Variants in PCSK6 observed in about 807,000 individuals in gnomAD.
PCSK6 encodes proprotein convertase subtilisin/kexin type 6, also known as paired basic amino acid cleaving enzyme 4.
PCSK6 carries 85 observed loss-of-function variants against 123.3 expected under a neutral mutation model. The ratio of observed to expected loss-of-function variants is 0.69; its 90% CI spans 0.58 to 0.83. The LOEUF is 0.83. Ranked by LOEUF, PCSK6 falls within the 40% of genes least tolerant of loss-of-function variation. PCSK6 has a pLI of 0.00. For missense variants in PCSK6, 1,191 were observed against 1,282.3 expected (o/e 0.93, Z 1.09); for synonymous variants, 508 against 516.0 (o/e 0.98, Z 0.21).
intron 13 of PCSK6, among the ~76,000 whole-genome samples, chr15:101,348,903 C>T (rs370339240): frequency 2.6e-5 from 4 of 152,322 alleles, no homozygotes; most frequent in East Asian, 1.9e-4. Context: ...GGTCTCCTCC[C>T]GCCACCCTCC....
In PCSK6 at chr15:101,411,630, G is replaced by A. The variant is rs115421443; in HGVS notation, c.824-13054C>T. Among the ~76,000 whole-genome samples the A allele has an allele frequency of 3.0e-3, 451 of 152,238 alleles. 6 individuals carry two copies. Among genetic ancestry groups the A allele is most frequent in the African/African-American group, 0.01 (421 of 41,548 alleles). ...AACATGAACAAGAACAGAGGGACCCGACGAGACAGGGCCAATAGAACAAAT... is the reference window on the plus strand; with the variant it reads ...AACATGAACAAGAACAGAGGGACCCAACGAGACAGGGCCAATAGAACAAAT... On this transcript the variant is annotated intron_variant, in intron 6 of 21. Coordinates refer to ENST00000611716, the MANE Select transcript of PCSK6 (RefSeq NM_002570.5).
intron 13 of PCSK6, chr15:101,337,373 G>A (rs887601881): frequency 4.6e-5 from 7 of 152,062 alleles, no homozygotes; most frequent in African/African-American, 1.7e-4. Flanking sequence ...CCTGCCTTTG[G>A]AAGACGTAAA....
chr15:101,407,023 C>T (rs2042801346), intron 6 of PCSK6, among the ~76,000 whole-genome samples: 1 of 152,116 alleles, frequency 6.6e-6, no homozygotes, highest in Non-Finnish European at 1.5e-5. Flanking sequence ...ACAGCTGTGT[C>T]ACGGACACAG....
intron 6 of PCSK6, among the ~76,000 whole-genome samples, chr15:101,419,636 A>G (rs767279007): frequency 3.9e-5 from 6 of 152,076 alleles, no homozygotes; most frequent in Non-Finnish European, 7.4e-5. Flanking sequence ...AGGAACCATA[A>G]GAGAAAATTT....
At chr15:101,321,530 T>C (rs1387926810) in intron 18 of PCSK6, among the ~76,000 whole-genome samples, 1 of 152,260 alleles carries the variant, frequency 6.6e-6, no homozygotes, top group Non-Finnish European at 1.5e-5. Context: ...GAGGCAACAC[T>C]GGTGCAAGCC....
intron 6 of PCSK6, among the ~76,000 whole-genome samples, chr15:101,416,817 A>C (rs1415958109): frequency 1.3e-5 from 2 of 152,270 alleles, no homozygotes; most frequent in Non-Finnish European, 2.9e-5. Context: ...GCAGGTGCAC[A>C]GAAGTCAAGA....
intron 1 of PCSK6, among the ~76,000 whole-genome samples, chr15:101,454,422 C>G (rs1003636248): frequency 1.3e-5 from 2 of 152,038 alleles, no homozygotes; most frequent in East Asian, 3.9e-4. Flanking sequence ...CAGGGACACA[C>G]GATGGAATAT....
intron 1 of PCSK6, among the ~76,000 whole-genome samples, chr15:101,477,086 C>T (rs1018389547): frequency 2.6e-5 from 4 of 152,172 alleles, no homozygotes; most frequent in South Asian, 4.1e-4. Flanking sequence ...CTGACCTAAA[C>T]GTCAGGAAAG....
At chr15:101,340,285 G>A (rs2141386043) in intron 13 of PCSK6, among the ~76,000 whole-genome samples, 1 of 152,202 alleles carries the variant, frequency 6.6e-6, no homozygotes, top group South Asian at 2.1e-4. Flanking sequence ...GAGATACAAG[G>A]CTTCCCTGTG....
chr15:101,470,977 C>A (rs1205064499), intron 1 of PCSK6, among the ~76,000 whole-genome samples: 2 of 152,214 alleles, frequency 1.3e-5, no homozygotes, highest in African/African-American at 4.8e-5. Context: ...AGGCAAGCAA[C>A]CCAGCCTACC....
chr15:101,305,439 G>A lies in PCSK6; in HGVS notation c.2813-84C>T. 2 of 1,125,140 alleles carry A rather than the reference G, an allele frequency of 1.8e-6. No homozygotes were observed. Among genetic ancestry groups the A allele is most frequent in the Non-Finnish European group, 1.3e-6 (1 of 770,796 alleles). The allele number at this position is 1,125,140 out of a possible 1,614,324, so 69.7% of individuals were successfully genotyped here. On this transcript the variant is annotated intron_variant, in intron 21 of 21. Transcript: ENST00000611716. This position sits in a 1 kb window ranked among gnomAD's most constrained non-coding sequence, Gnocchi z 4.8. ...AGATTGTTTCAAGGCCGGGCGCGGT[G>A]CCTCATGCCTGTAATCCCAGCACTT...
chr15:101,355,328 G>C (rs1404101905), intron 13 of PCSK6, among the ~76,000 whole-genome samples: 1 of 152,232 alleles, frequency 6.6e-6, no homozygotes, highest in Non-Finnish European at 1.5e-5. Context: ...CAATTATAGA[G>C]AGAAGATTGG....
intron 1 of PCSK6, among the ~76,000 whole-genome samples, chr15:101,461,181 T>G (rs2057332767): frequency 6.6e-6 from 1 of 152,102 alleles, no homozygotes; most frequent in African/African-American, 2.4e-5. Context: ...GGAAAAAGGA[T>G]GTAACCGCAG....
In PCSK6 at chr15:101,471,116, T is replaced by C. The variant is rs190766255; in HGVS notation, c.297+18258A>G. On this transcript the variant is annotated intron_variant, in intron 1 of 21. Coordinates refer to ENST00000611716, the MANE Select transcript of PCSK6 (RefSeq NM_002570.5). Reference sequence around the variant, plus strand: ...TTCTCCCTGGGGCTGAAACTCTGCCTGGGGAAAGCCTAGCAAGTTAGTGGC... The same window carrying C: ...TTCTCCCTGGGGCTGAAACTCTGCCCGGGGAAAGCCTAGCAAGTTAGTGGC... 3.2e-4 allele frequency among the ~76,000 whole-genome samples: 49 copies of C among 152,250 alleles called. No individual in the cohort carries two copies. The East Asian group carries it at 9.4e-3, about 29-fold the overall frequency.
In PCSK6 at chr15:101,489,693, G is replaced by T; in HGVS notation, c.-23C>A. ...CATAGCGGCGACAGGCTCGCGCGGC[G>T]CCCGAGCTGCGAGTGCGCCGGGGGG... On this transcript the variant is annotated 5_prime_UTR_variant, in exon 1 of 22. Coordinates refer to ENST00000611716, the MANE Select transcript of PCSK6 (RefSeq NM_002570.5). 1.0e-6 allele frequency: 1 copy of T among 963,968 alleles called. No individual in the cohort carries two copies. The highest frequency in any genetic ancestry group is 1.2e-6 in the Non-Finnish European group (1 of 813,368). The allele number at this position is 963,968 out of a possible 1,614,324, so 59.7% of individuals were successfully genotyped here. A position where few individuals can be genotyped will look rare whatever the true frequency, so the allele number is the denominator to read the frequency against.
intron 17 of PCSK6, among the ~76,000 whole-genome samples, chr15:101,323,343 G>A (rs1430063862): frequency 6.6e-6 from 1 of 152,204 alleles, no homozygotes; most frequent in Non-Finnish European, 1.5e-5. Flanking sequence ...GGATGAAGGC[G>A]CCTCCGTCCT....
intron 13 of PCSK6, among the ~76,000 whole-genome samples, chr15:101,354,860 C>G (rs1203443421): frequency 1.3e-5 from 2 of 152,204 alleles, no homozygotes; most frequent in African/African-American, 4.8e-5. Context: ...GTCATGTCTT[C>G]ATTTGTAAAT....
At chr15:101,416,770 C>T (rs1381981506) in intron 6 of PCSK6, among the ~76,000 whole-genome samples, 1 of 152,222 alleles carries the variant, frequency 6.6e-6, no homozygotes, top group African/African-American at 2.4e-5. Flanking sequence ...GGGTGGGAGC[C>T]CCAAGCTTTG....
At chr15:101,404,259 G>A (rs542802558) in intron 6 of PCSK6, among the ~76,000 whole-genome samples, 9 of 152,316 alleles carry the variant, frequency 5.9e-5, no homozygotes, top group African/African-American at 2.2e-4. Context: ...GGCATCTATT[G>A]TAAGTTCCTT....
Sources: gnomAD v4.1 joint callset for allele counts (sites outside exome capture counted in the v4.1 genomes callset) on GRCh38, gnomAD v4.1.1 for gene constraint, Gnocchi (gnomAD v3.1) non-coding constraint, MANE v1.5 for transcripts, NCBI Gene and HGNC (gene_info 2026-07-23, HGNC 2026-07-21) for gene names.